Variants in AGO2 observed in about 807,000 individuals in gnomAD.
AGO2 encodes the protein protein argonaute-2.
AGO2 carries 5 observed loss-of-function variants against 102.3 expected under a neutral mutation model. That is an observed-to-expected ratio of 0.05 (90% CI 0.03 to 0.10). The LOEUF (loss-of-function observed/expected upper bound fraction) is 0.10, where lower values mean the gene tolerates loss of function less well. Ranked by LOEUF, AGO2 falls within the 10% of genes least tolerant of loss-of-function variation. The pLI, the probability that AGO2 is intolerant of heterozygous loss-of-function variation, is 1.00. For synonymous variants in AGO2, 449 were observed against 473.1 expected, an observed-to-expected ratio of 0.95 and a Z score of 0.66; for missense variants, 541 against 1,183.7, an observed-to-expected ratio of 0.46 and a Z score of 7.97.
At chr8:140,629,695 G>A (rs965543269) in intron 1 of AGO2, among the ~76,000 whole-genome samples, 10 of 151,904 alleles carry the variant, frequency 6.6e-5, no homozygotes, top group African/African-American at 2.2e-4. Context: ...AGCTAGGCAC[G>A]GTGGTCCACA....
At chr8:140,635,842 G>C (rs974333978), upstream of AGO2, among the ~76,000 whole-genome samples, 1 of 144,978 alleles carries the variant, frequency 6.9e-6, no homozygotes, top group African/African-American at 2.5e-5. Context: ...GCGGGGACCC[G>C]GGGAGGGGCC....
intron 1 of AGO2, among the ~76,000 whole-genome samples, chr8:140,609,131 C>T (rs1047211111): frequency 3.3e-5 from 5 of 152,344 alleles, no homozygotes; most frequent in African/African-American, 1.2e-4. Context: ...CTGGGGGCCA[C>T]GGGCTTGTGT....
chr8:140,572,460 C>T (rs531769203), intron 3 of AGO2: 52 of 169,084 alleles, frequency 3.1e-4, no homozygotes, highest in Non-Finnish European at 5.2e-4. Flanking sequence ...AGCCATCTTC[C>T]TGCCTTGGCC....
At chr8:140,604,507 A>G (rs899900436) in intron 1 of AGO2, among the ~76,000 whole-genome samples, 1 of 152,062 alleles carries the variant, frequency 6.6e-6, no homozygotes, top group African/African-American at 2.4e-5. Flanking sequence ...CCTGGCCAAC[A>G]TGGTGAAACC....
chr8:140,611,946 C>T (rs774745206), intron 1 of AGO2, among the ~76,000 whole-genome samples: 27 of 152,070 alleles, frequency 1.8e-4, no homozygotes, highest in East Asian at 1.2e-3. Context: ...TGAGTTCGAC[C>T]GGGCGCGGTG....
At chr8:140,624,195 G>A (rs1010546844) in intron 1 of AGO2, among the ~76,000 whole-genome samples, 7 of 152,118 alleles carry the variant, frequency 4.6e-5, no homozygotes, top group Non-Finnish European at 8.8e-5. Flanking sequence ...AGCAGGTCTC[G>A]ACTGGGTCAC....
chr8:140,595,207 A>G (rs1053788574), intron 1 of AGO2, among the ~76,000 whole-genome samples: 2 of 152,194 alleles, frequency 1.3e-5, no homozygotes, highest in African/African-American at 2.4e-5. Context: ...CTGTGAGGAC[A>G]GTTCAGTGAC....
chr8:140,563,141 T>G (rs1314724655), intron 3 of AGO2, among the ~76,000 whole-genome samples: 3 of 152,254 alleles, frequency 2.0e-5, no homozygotes, highest in Non-Finnish European at 4.4e-5. Context: ...TTGCTAATCA[T>G]GCTTCCCAGT....
At chr8:140,534,185 A>G (rs1435381971) in intron 17 of AGO2, among the ~76,000 whole-genome samples, 1 of 152,092 alleles carries the variant, frequency 6.6e-6, no homozygotes, top group East Asian at 1.9e-4. Flanking sequence ...GGCCCAGGGG[A>G]GTGAGGGCAT....
At chr8:140,634,276 A>G (rs907774447) in intron 1 of AGO2, among the ~76,000 whole-genome samples, 1 of 152,288 alleles carries the variant, frequency 6.6e-6, no homozygotes, top group Non-Finnish European at 1.5e-5. Context: ...AGTGGGGGCC[A>G]CCATCAACGG....
Position 140,621,996 on chromosome 8 carries a change from T to A in AGO2, c.22+13489A>T, listed in dbSNP as rs2074223225. ...CTCACAGCAGCACTATTTACAATAG[T>A]CAAAAGGTGGAAACAAGCCAAATCG... On this transcript the variant is annotated intron_variant, in intron 1 of 18. Transcript: ENST00000220592. 2.0e-5 allele frequency among the ~76,000 whole-genome samples: 3 copies of A among 152,184 alleles called. No individual in the cohort carries two copies. In the South Asian group the frequency reaches 6.2e-4, roughly 32 times the overall value.
At chr8:140,595,127 C>T (rs973780300) in intron 1 of AGO2, among the ~76,000 whole-genome samples, 6 of 152,026 alleles carry the variant, frequency 3.9e-5, no homozygotes, top group African/African-American at 1.5e-4. Flanking sequence ...TAAGGAAATA[C>T]CCAGGCGTCT....
rs2073018446 is a variant in AGO2, at chr8:140,552,696, G to GTA, written c.1270-1261_1270-1260insTA. Among the ~76,000 whole-genome samples the GTA allele has an allele frequency of 1.3e-5, 2 of 150,842 alleles. 1 individual carries two copies. The highest frequency in any genetic ancestry group is 4.2e-4 in the South Asian group (2 of 4,744). On this transcript the variant is annotated intron_variant, in intron 10 of 18. Transcript: ENST00000220592. Reference sequence around the variant, plus strand: ...AGTGCACACACACACACACACGCATGCACTCACATGCACATGAACACACGC... The same window carrying GTA: ...AGTGCACACACACACACACACGCATGTACACTCACATGCACATGAACACACGC...
chr8:140,539,377 G>A lies in AGO2; in HGVS notation c.2112C>T (p.Phe704=). ...LEKDYQPGIT[F]IVVQKRHHTR... ...TGTGGTGCCTCTTCTGCACCACGAT[G>A]AAGGTGATCCCGGGCTGGTAGTCTT... Residue 704 remains phenylalanine (F), a synonymous_variant, in exon 16 of 19, where the codon TTC becomes TTT. Coordinates refer to ENST00000220592, the MANE Select transcript of AGO2 (RefSeq NM_012154.5). The surrounding 1 kb of genome is among the most constrained non-coding windows in gnomAD (Gnocchi z 4.7). 6.2e-7 allele frequency: 1 copy of A among 1,614,126 alleles called. No individual in the cohort carries two copies.
chr8:140,548,693 C>T (rs1439831016), intron 12 of AGO2, among the ~76,000 whole-genome samples: 1 of 152,246 alleles, frequency 6.6e-6, no homozygotes, highest in African/African-American at 2.4e-5. Context: ...GACCCCCTGG[C>T]ATGGACTTTG....
At chr8:140,533,046 A>G (rs1033555503) in intron 17 of AGO2, among the ~76,000 whole-genome samples, 30 of 151,070 alleles carry the variant, frequency 2.0e-4, no homozygotes, top group Non-Finnish European at 3.8e-4. Context: ...AAATGGCCCC[A>G]TATTTGTAAA....
upstream of AGO2, among the ~76,000 whole-genome samples, chr8:140,640,548 T>C (rs2074434584): frequency 1.3e-5 from 2 of 151,946 alleles, no homozygotes; most frequent in South Asian, 4.2e-4. Flanking sequence ...AGATGGAGTC[T>C]CGCTCTGTTG....
intron 2 of AGO2, among the ~76,000 whole-genome samples, chr8:140,574,705 G>T (rs1158112054): frequency 6.6e-6 from 1 of 152,110 alleles, no homozygotes; most frequent in Non-Finnish European, 1.5e-5. Flanking sequence ...GGCCCATGGG[G>T]TGCTTAACAT....
At chr8:140,592,485 T>G (rs2073758896) in intron 1 of AGO2, 1 of 152,232 alleles carries the variant, frequency 6.6e-6, no homozygotes, top group African/African-American at 2.4e-5. Flanking sequence ...GTTGACTGAA[T>G]GAATACACAG....
Sources: gnomAD v4.1 joint callset for allele counts (sites outside exome capture counted in the v4.1 genomes callset) on GRCh38, gnomAD v4.1.1 for gene constraint, Gnocchi (gnomAD v3.1) non-coding constraint, MANE v1.5 for transcripts, NCBI Gene and HGNC (gene_info 2026-07-23, HGNC 2026-07-21) for gene names.